Variants in RASAL2 observed in about 807,000 individuals in gnomAD.
The protein encoded by RASAL2 is RAS protein activator like 2.
Under a neutral mutation model 128.9 loss-of-function variants are expected in RASAL2, and 58 were observed. That is an observed-to-expected ratio of 0.45 (90% CI 0.36 to 0.56). The LOEUF (loss-of-function observed/expected upper bound fraction) is 0.56, where lower values mean the gene tolerates loss of function less well. Among genes scored for constraint, RASAL2 ranks in the 20% least tolerant of loss-of-function variants. The pLI is 0.00. For synonymous variants in RASAL2, 561 were observed against 580.8 expected (o/e 0.97, Z 0.49); for missense variants, 1,360 against 1,601.6 (o/e 0.85, Z 2.57).
intron 1 of RASAL2, among the ~76,000 whole-genome samples, chr1:178,107,487 CATTTT>C (rs1027416075): frequency 4.6e-5 from 7 of 151,920 alleles, no homozygotes; most frequent in Non-Finnish European, 1.0e-4. Context: ...AGCAAATTTT[CATTTT>C]AAGTTTGCTA....
intron 4 of RASAL2, among the ~76,000 whole-genome samples, chr1:178,405,514 T>G (rs943648335): frequency 6.6e-6 from 1 of 152,226 alleles, no homozygotes; most frequent in Non-Finnish European, 1.5e-5. Context: ...ATCACGAGAC[T>G]TTAAAAGCTG....
chr1:178,199,066 G>A (rs149722728), intron 1 of RASAL2, among the ~76,000 whole-genome samples: 112 of 152,310 alleles, frequency 7.4e-4, no homozygotes, highest in Non-Finnish European at 1.4e-3. Flanking sequence ...TTCGATCTGG[G>A]ACTAGCAGTG....
At chr1:178,228,140 T>TG (rs1437292466) in intron 1 of RASAL2, among the ~76,000 whole-genome samples, 12 of 152,330 alleles carry the variant, frequency 7.9e-5, no homozygotes, top group African/African-American at 2.4e-4. Context: ...GATCTGAGTC[T>TG]TCACCTTTAT....
intron 1 of RASAL2, among the ~76,000 whole-genome samples, chr1:178,209,233 C>A (rs1246429002): frequency 6.6e-6 from 1 of 152,128 alleles, no homozygotes; most frequent in African/African-American, 2.4e-5. Flanking sequence ...TGGTTGCTCT[C>A]TAGACCTGCT....
intron 1 of RASAL2, among the ~76,000 whole-genome samples, chr1:178,241,841 T>A (rs1024769018): frequency 2.0e-5 from 3 of 152,220 alleles, no homozygotes; most frequent in Non-Finnish European, 4.4e-5. Context: ...CAAAGAAGTG[T>A]ATGCAGAGGC....
intron 4 of RASAL2, among the ~76,000 whole-genome samples, chr1:178,406,160 G>T (rs1402693909): frequency 6.6e-6 from 1 of 152,072 alleles, no homozygotes; most frequent in Non-Finnish European, 1.5e-5. Context: ...AAATGTTTAT[G>T]GCAACTTTAT....
intron 2 of RASAL2, among the ~76,000 whole-genome samples, chr1:178,294,090 G>A (rs996670056): frequency 6.6e-6 from 1 of 152,236 alleles, no homozygotes; most frequent in Non-Finnish European, 1.5e-5. Context: ...CTAAAACTGA[G>A]CACACAGACA....
chr1:178,098,948 A>G (rs959830956), intron 1 of RASAL2, among the ~76,000 whole-genome samples: 1 of 152,210 alleles, frequency 6.6e-6, no homozygotes, highest in Non-Finnish European at 1.5e-5. Context: ...TTCGGTAAGA[A>G]TTAATAGAAG....
At chr1:178,379,161 A>G (rs1465664328) in intron 3 of RASAL2, among the ~76,000 whole-genome samples, 2 of 152,170 alleles carry the variant, frequency 1.3e-5, no homozygotes, top group Non-Finnish European at 2.9e-5. Context: ...TTTAAGAAAA[A>G]TGTAACTTAA....
chr1:178,336,981 G>A (rs1311833036), intron 3 of RASAL2, among the ~76,000 whole-genome samples: 4 of 151,810 alleles, frequency 2.6e-5, no homozygotes, highest in Admixed American at 2.0e-4. Flanking sequence ...CTGTGGTCTT[G>A]TTCACATGAA....
chr1:178,411,211 A>T (rs1280661089), intron 4 of RASAL2, among the ~76,000 whole-genome samples: 1 of 152,134 alleles, frequency 6.6e-6, no homozygotes, highest in Non-Finnish European at 1.5e-5. Context: ...AATACTACTC[A>T]GTCACAAACA....
At chr1:178,395,883 A>G (rs1283691489) in intron 4 of RASAL2, among the ~76,000 whole-genome samples, 2 of 151,334 alleles carry the variant, frequency 1.3e-5, no homozygotes, top group African/African-American at 4.9e-5. Flanking sequence ...TCATATAGCA[A>G]TCATGGGTAT....
chr1:178,245,165 A>G (rs1050120665), intron 1 of RASAL2, among the ~76,000 whole-genome samples: 2 of 152,224 alleles, frequency 1.3e-5, no homozygotes, highest in African/African-American at 4.8e-5. Flanking sequence ...GTCGTCCACA[A>G]TGGCTGAACT....
intron 4 of RASAL2, among the ~76,000 whole-genome samples, chr1:178,407,731 A>G (rs1013850800): frequency 2.6e-5 from 4 of 152,194 alleles, no homozygotes; most frequent in Admixed American, 6.5e-5. Context: ...GCACATCCCT[A>G]CATTTTTCAT....
chr1:178,456,344 C>G, intron 12 of RASAL2: 1 of 261,486 alleles, frequency 3.8e-6, no homozygotes, highest in South Asian at 6.0e-5. Context: ...GAATTTGGTT[C>G]TGCCTCCACC....
intron 1 of RASAL2, among the ~76,000 whole-genome samples, chr1:178,261,154 G>A (rs1255579458): frequency 6.6e-6 from 1 of 151,988 alleles, no homozygotes; most frequent in Admixed American, 6.5e-5. Flanking sequence ...TTCCTTGCCA[G>A]TTTCCAATCT....
chr1:178,301,757 AG>A (rs897203481), intron 3 of RASAL2, among the ~76,000 whole-genome samples: 26 of 152,176 alleles, frequency 1.7e-4, no homozygotes, highest in African/African-American at 6.3e-4. Context: ...CCAATTTTCT[AG>A]GAACCTTTCG....
chr1:178,466,582 C>T (rs1193181757), intron 16 of RASAL2, among the ~76,000 whole-genome samples: 1 of 152,210 alleles, frequency 6.6e-6, no homozygotes, highest in East Asian at 1.9e-4. Flanking sequence ...ATGGGACACA[C>T]ACCTTTCTAA....
At chr1:178,452,932 G>A (rs1677487639) in intron 11 of RASAL2, among the ~76,000 whole-genome samples, 2 of 152,016 alleles carry the variant, frequency 1.3e-5, no homozygotes, top group South Asian at 2.1e-4. Flanking sequence ...TATTAAAAGT[G>A]CTGATAAAAA....
Sources: gnomAD v4.1 joint callset for allele counts (sites outside exome capture counted in the v4.1 genomes callset) on GRCh38, gnomAD v4.1.1 for gene constraint, MANE v1.5 for transcripts, NCBI Gene and HGNC (gene_info 2026-07-23, HGNC 2026-07-21) for gene names.